The following KSR2 variants were observed in gnomAD, a reference collection of about 807,000 sequenced individuals.
KSR2 encodes kinase suppressor of ras 2.
In KSR2, 25 loss-of-function variants were observed where a neutral mutation model predicts 107.8. The ratio of observed to expected loss-of-function variants is 0.23; its 90% CI spans 0.17 to 0.32. The LOEUF (loss-of-function observed/expected upper bound fraction) is 0.32. Ranked by LOEUF, KSR2 falls within the 10% of genes least tolerant of loss-of-function variation. The pLI is 1.00. For synonymous variants in KSR2, 480 were observed against 507.0 expected (o/e 0.95, Z 0.71); for missense variants, 887 against 1,268.9 (o/e 0.70, Z 4.57).
chr12:117,514,005 G>A (rs1442729740), intron 14 of KSR2, among the ~76,000 whole-genome samples: 1 of 152,212 alleles, frequency 6.6e-6, no homozygotes, highest in African/African-American at 2.4e-5. Flanking sequence ...ATGTAAAGCT[G>A]TCCCCATACT....
chr12:117,960,651 C>A (rs1036396464), intron 1 of KSR2, among the ~76,000 whole-genome samples: 7 of 152,156 alleles, frequency 4.6e-5, no homozygotes, highest in Non-Finnish European at 8.8e-5. Flanking sequence ...TGAGTCCATA[C>A]CTAACTGCAG....
chr12:117,944,019 GATA>G (rs2137543976), intron 1 of KSR2, among the ~76,000 whole-genome samples: 1 of 152,270 alleles, frequency 6.6e-6, no homozygotes, highest in East Asian at 1.9e-4. Context: ...CTTCCACCAT[GATA>G]GTGAGGCTTC....
chr12:117,660,748 A>C (rs574516891), intron 5 of KSR2, among the ~76,000 whole-genome samples: 1 of 152,204 alleles, frequency 6.6e-6, no homozygotes, highest in African/African-American at 2.4e-5. Context: ...TGAAACATAA[A>C]GATATTTAAT....
intron 5 of KSR2, among the ~76,000 whole-genome samples, chr12:117,636,718 T>C (rs548352132): frequency 6.6e-6 from 1 of 152,194 alleles, no homozygotes; most frequent in Admixed American, 6.5e-5. Flanking sequence ...GAAGAATATA[T>C]AGAACAATAC....
Position 117,598,837 on chromosome 12 carries a change from A to C in KSR2, c.1172-16478T>G, listed in dbSNP as rs1593035639. On this transcript the variant is annotated intron_variant, in intron 5 of 19. Coordinates refer to ENST00000339824, the MANE Select transcript of KSR2 (RefSeq NM_173598.6). The stretch of plus-strand genomic sequence containing the variant: ...TCAGGAATTTCCCACAGGAAAAAAA[A>C]AAAAGTCTGTTTATCCTGTATGTGA... 2.6e-5 allele frequency among the ~76,000 whole-genome samples: 4 copies of C among 152,180 alleles called. No individual in the cohort carries two copies. The South Asian group carries it at 8.3e-4, about 32-fold the overall frequency.
chr12:117,603,541 C>T (rs1357917142), intron 5 of KSR2, among the ~76,000 whole-genome samples: 1 of 152,142 alleles, frequency 6.6e-6, no homozygotes, highest in Non-Finnish European at 1.5e-5. Flanking sequence ...GCTCTAAATC[C>T]GTTGGTCATA....
At chr12:117,647,382 A>T (rs745524742) in intron 5 of KSR2, among the ~76,000 whole-genome samples, 6 of 152,146 alleles carry the variant, frequency 3.9e-5, no homozygotes, top group Non-Finnish European at 7.4e-5. Context: ...GATGAAAAGC[A>T]GGGTCTCAGA....
intron 1 of KSR2, among the ~76,000 whole-genome samples, chr12:117,956,483 G>A (rs1896522738): frequency 6.6e-6 from 1 of 151,888 alleles, no homozygotes; most frequent in African/African-American, 2.4e-5. Context: ...TAGGAGGACT[G>A]CTTGAGCTCC....
chr12:117,748,987 A>G (rs1888514365), intron 4 of KSR2, among the ~76,000 whole-genome samples: 1 of 151,600 alleles, frequency 6.6e-6, no homozygotes, highest in African/African-American at 2.4e-5. Flanking sequence ...AACGCACAGC[A>G]GAATGGGCCC....
At chr12:117,790,600 T>A (rs1340805516) in intron 3 of KSR2, among the ~76,000 whole-genome samples, 1 of 152,238 alleles carries the variant, frequency 6.6e-6, no homozygotes, top group Admixed American at 6.5e-5. Flanking sequence ...AAAGATCTTG[T>A]GGGCCACAAG....
At chr12:117,646,039 C>A (rs1331332867) in intron 5 of KSR2, among the ~76,000 whole-genome samples, 3 of 152,100 alleles carry the variant, frequency 2.0e-5, no homozygotes, top group African/African-American at 4.8e-5. Flanking sequence ...TTACACAAAG[C>A]CTCCTGTATA....
At chr12:117,748,797 G>C (rs1446404800) in intron 4 of KSR2, among the ~76,000 whole-genome samples, 1 of 152,064 alleles carries the variant, frequency 6.6e-6, no homozygotes, top group Non-Finnish European at 1.5e-5. Flanking sequence ...TCCCCCAAAA[G>C]CAGACCCTAA....
At chr12:117,700,071 C>T (rs1886242582) in intron 4 of KSR2, among the ~76,000 whole-genome samples, 2 of 150,424 alleles carry the variant, frequency 1.3e-5, no homozygotes, top group African/African-American at 2.4e-5. Context: ...TAGTAGAGAC[C>T]GGTTTCACCA....
intron 14 of KSR2, among the ~76,000 whole-genome samples, chr12:117,518,455 A>C (rs73403319): frequency 0.018 from 2,761 of 152,326 alleles, 65 homozygotes; most frequent in East Asian, 0.097. Flanking sequence ...GCAAACTGAC[A>C]GTCAGGATAC....
At chr12:117,832,523 CG>C (rs1197447423) in intron 3 of KSR2, among the ~76,000 whole-genome samples, 1 of 152,228 alleles carries the variant, frequency 6.6e-6, no homozygotes, top group African/African-American at 2.4e-5. Context: ...CACCTCACTG[CG>C]TCCTCAATGC....
At chr12:117,719,513 A>T (rs1251849370) in intron 4 of KSR2, among the ~76,000 whole-genome samples, 1 of 152,170 alleles carries the variant, frequency 6.6e-6, no homozygotes, top group East Asian at 1.9e-4. Flanking sequence ...CAGGTCTTGC[A>T]TTCAATGTGG....
intron 1 of KSR2, among the ~76,000 whole-genome samples, chr12:117,883,030 C>T (rs76508460): frequency 0.036 from 5,494 of 152,004 alleles, 164 homozygotes; most frequent in East Asian, 0.17. Context: ...CATCCAACCA[C>T]TCATCCATCC....
intron 3 of KSR2, among the ~76,000 whole-genome samples, chr12:117,834,572 C>T (rs1221869921): frequency 6.6e-6 from 1 of 152,138 alleles, no homozygotes; most frequent in Non-Finnish European, 1.5e-5. Flanking sequence ...ACAGGAGAAG[C>T]CCAAACATAG....
At chr12:117,898,413 G>C (rs1234106140) in intron 1 of KSR2, among the ~76,000 whole-genome samples, 4 of 151,308 alleles carry the variant, frequency 2.6e-5, no homozygotes, top group African/African-American at 9.7e-5. Context: ...AACACCTTCT[G>C]GGTTCAAGCA....
Sources: gnomAD v4.1 joint callset for allele counts (sites outside exome capture counted in the v4.1 genomes callset) on GRCh38, gnomAD v4.1.1 for gene constraint, MANE v1.5 for transcripts, NCBI Gene and HGNC (gene_info 2026-07-23, HGNC 2026-07-21) for gene names.